The following ITGA1 variants were observed in gnomAD, a reference collection of about 807,000 sequenced individuals.
The protein encoded by ITGA1 is integrin subunit alpha 1.
Under a neutral mutation model 145.9 loss-of-function variants are expected in ITGA1, and 85 were observed. The observed-to-expected ratio is 0.58, with a 90% CI of 0.49 to 0.70. ITGA1 has a LOEUF of 0.70. ITGA1 is among the 30% of genes least tolerant of loss of function. ITGA1 has a pLI of 0.00. For missense variants in ITGA1, 1,351 were observed against 1,418.7 expected (o/e 0.95, Z 0.77); for synonymous variants, 520 against 495.3 (o/e 1.05, Z -0.66).
At chr5:52,826,747 G>C (rs1748973249) in intron 1 of ITGA1, among the ~76,000 whole-genome samples, 1 of 152,210 alleles carries the variant, frequency 6.6e-6, no homozygotes, top group African/African-American at 2.4e-5. Flanking sequence ...CAGCATATCT[G>C]TTTACAGCAT....
chr5:52,906,832 C>T (rs371813579), intron 12 of ITGA1, among the ~76,000 whole-genome samples: 3 of 152,124 alleles, frequency 2.0e-5, no homozygotes, highest in Non-Finnish European at 4.4e-5. Context: ...TGCAGCCCAG[C>T]GCAGCAGTAA....
intron 8 of ITGA1, among the ~76,000 whole-genome samples, chr5:52,890,730 A>G (rs114340725): frequency 0.022 from 3,287 of 152,316 alleles, 47 homozygotes; most frequent in Middle Eastern, 0.075. Context: ...TTGTGTTGGG[A>G]ATATTCCAAA....
At chr5:52,788,564 C>A in intron 1 of ITGA1, 150 bp downstream of exon 1, 1 of 590,132 alleles carries the variant, frequency 1.7e-6, no homozygotes, top group Non-Finnish European at 2.7e-6. Flanking sequence ...GGCTACGGGG[C>A]AGGCAGGAGT....
intron 1 of ITGA1, among the ~76,000 whole-genome samples, chr5:52,814,949 G>C (rs532633539): frequency 3.3e-5 from 5 of 152,108 alleles, no homozygotes; most frequent in African/African-American, 1.2e-4. Flanking sequence ...TCTCTTATCT[G>C]TGCTTTTCCT....
chr5:52,788,334 G>T lies in ITGA1; in HGVS notation c.-20G>T. ...CCCTGCGAACCAGCGCGGCCCCCTG[G>T]CGCTGAGGCTGCTCCGGCCATGGCC... is the stretch of plus-strand genomic sequence containing the variant. On this transcript the variant is annotated 5_prime_UTR_variant, in exon 1 of 29. Coordinates refer to ENST00000282588, the MANE Select transcript of ITGA1 (RefSeq NM_181501.2). 6.7e-7 allele frequency: 1 copy of T among 1,496,162 alleles called. No individual in the cohort carries two copies. Among genetic ancestry groups the T allele is most frequent in the Non-Finnish European group, 8.9e-7 (1 of 1,128,638 alleles). 92.7% of individuals were successfully genotyped at this position (1,496,162 alleles called of 1,614,324 possible). A position where few individuals can be genotyped will look rare whatever the true frequency, so the allele number is the denominator to read the frequency against.
intron 8 of ITGA1, among the ~76,000 whole-genome samples, chr5:52,890,736 C>T (rs1197840573): frequency 6.6e-6 from 1 of 152,142 alleles, no homozygotes. Flanking sequence ...TGGGAATATT[C>T]CAAATCTTCT....
At chr5:52,826,964 C>T (rs1748976468) in intron 1 of ITGA1, among the ~76,000 whole-genome samples, 1 of 151,924 alleles carries the variant, frequency 6.6e-6, no homozygotes, top group Admixed American at 6.6e-5. Flanking sequence ...TTTCACGTCT[C>T]ATTATTTAAG....
intron 1 of ITGA1, among the ~76,000 whole-genome samples, chr5:52,792,293 C>T (rs1748257134): frequency 6.6e-6 from 1 of 152,094 alleles, no homozygotes; most frequent in Non-Finnish European, 1.5e-5. Flanking sequence ...AGGAAGTCAG[C>T]CACTTATTCA....
chr5:52,918,645 C>A, intron 15 of ITGA1, 87 bp from the exon 16 acceptor site: 1 of 1,317,754 alleles, frequency 7.6e-7, no homozygotes, highest in Non-Finnish European at 1.0e-6. Flanking sequence ...GCAGAACCCT[C>A]TTCCATGCAC....
intron 1 of ITGA1, among the ~76,000 whole-genome samples, chr5:52,821,694 T>C (rs939537873): frequency 3.5e-4 from 54 of 152,316 alleles, no homozygotes; most frequent in African/African-American, 1.2e-3. Context: ...AGGGCTTATA[T>C]AATTGGCCCC....
rs574089851 is a variant in ITGA1, at chr5:52,953,477, G to T, written c.*1026G>T. ...GTGTTTATTTTTAATTTTTTAAAAG[G>T]TATTTAATTTCCAACCACACTTCTT... On this transcript the variant is annotated 3_prime_UTR_variant, in exon 29 of 29. Transcript: ENST00000282588. 6.6e-6 allele frequency: 1 copy of T among 152,146 alleles called. No homozygotes were observed. Among genetic ancestry groups the T allele is most frequent in the Non-Finnish European group, 1.5e-5 (1 of 68,018 alleles). 9.4% of individuals were successfully genotyped at this position (152,146 alleles called of 1,614,324 possible).
chr5:52,832,100 C>G (rs1340093632), intron 1 of ITGA1, among the ~76,000 whole-genome samples: 1 of 152,074 alleles, frequency 6.6e-6, no homozygotes, highest in Non-Finnish European at 1.5e-5. Flanking sequence ...GAACTCTCTC[C>G]TTCCCTCATC....
rs375410750 is a variant in ITGA1, at chr5:52,942,080, G to A, written c.3285+2136G>A. 1.3e-3 allele frequency among the ~76,000 whole-genome samples: 195 copies of A among 152,194 alleles called. 1 individual carries two copies. The highest frequency in any genetic ancestry group is 8.4e-4 in the Non-Finnish European group (57 of 68,008). ...TTGTTGGCTTTATCAAAGATCAGAC[G>A]GCTGTAGGTATGTGGCTTTATTTCT... On this transcript the variant is annotated intron_variant, in intron 26 of 28. Coordinates refer to ENST00000282588, the MANE Select transcript of ITGA1 (RefSeq NM_181501.2).
chr5:52,884,582 A>G (rs1000833529), intron 7 of ITGA1, among the ~76,000 whole-genome samples: 1 of 152,168 alleles, frequency 6.6e-6, no homozygotes, highest in Non-Finnish European at 1.5e-5. Flanking sequence ...AGGAAGAGAG[A>G]TAGGGCTCAG....
chr5:52,873,886 G>A (rs73106324), intron 6 of ITGA1, among the ~76,000 whole-genome samples: 2,819 of 152,208 alleles, frequency 0.019, 97 homozygotes, highest in African/African-American at 0.065. Flanking sequence ...CTTAGCTTAT[G>A]CTGGGCATTA....
At chr5:52,825,392 T>G (rs1412863847) in intron 1 of ITGA1, among the ~76,000 whole-genome samples, 1 of 152,168 alleles carries the variant, frequency 6.6e-6, no homozygotes, top group Non-Finnish European at 1.5e-5. Flanking sequence ...TAACAGCAAG[T>G]GCTCATTTTG....
At chr5:52,938,737 T>C (rs564746222) in intron 24 of ITGA1, among the ~76,000 whole-genome samples, 203 of 152,270 alleles carry the variant, frequency 1.3e-3, no homozygotes, top group African/African-American at 4.6e-3. Flanking sequence ...TATATTAACA[T>C]CTATAGGGCT....
At chr5:52,873,370 A>G (rs1237100630) in intron 6 of ITGA1, among the ~76,000 whole-genome samples, 1 of 152,128 alleles carries the variant, frequency 6.6e-6, no homozygotes, top group African/African-American at 2.4e-5. Flanking sequence ...CTATCTTTGC[A>G]TTTTTGAGCC....
Position 52,957,156 on chromosome 5 carries a change from C to T in ITGA1, c.*4705C>T, listed in dbSNP as rs1370151991. 6.6e-6 allele frequency: 1 copy of T among 152,120 alleles called. No individual in the cohort carries two copies. Among genetic ancestry groups the T allele is most frequent in the Non-Finnish European group, 1.5e-5 (1 of 68,008 alleles). 9.4% of individuals were successfully genotyped at this position (152,120 alleles called of 1,614,324 possible). Reference sequence around the variant, plus strand: ...CAAAGTAACAGCCTTTAACCATTAACCTTGAGGAAAATGTGAAGTAGCATC... The same window carrying T: ...CAAAGTAACAGCCTTTAACCATTAATCTTGAGGAAAATGTGAAGTAGCATC... On this transcript the variant is annotated 3_prime_UTR_variant, in exon 29 of 29. Transcript: ENST00000282588.
Sources: allele counts gnomAD v4.1 joint callset (sites outside exome capture counted in the v4.1 genomes callset), GRCh38; gene constraint gnomAD v4.1.1; transcripts MANE v1.5; gene names NCBI Gene and HGNC (gene_info 2026-07-23, HGNC 2026-07-21).